TPH2: variants seen among roughly 807,000 people sequenced by gnomAD.
TPH2 encodes the protein tryptophan 5-hydroxylase 2.
Under a neutral mutation model 59.1 loss-of-function variants are expected in TPH2, and 27 were observed. That is an observed-to-expected ratio of 0.46 (90% confidence interval 0.34 to 0.63). The LOEUF is 0.63. Ranked by LOEUF, TPH2 falls within the 30% of genes least tolerant of loss-of-function variation. The pLI, the probability that TPH2 is intolerant of heterozygous loss-of-function variation, is 0.01. For synonymous variants in TPH2, 220 were observed against 210.5 expected, an observed-to-expected ratio of 1.05 and a Z score of -0.39; for missense variants, 523 against 588.3, an observed-to-expected ratio of 0.89 and a Z score of 1.15.
chr12:71,941,436 T>C (rs1264191072), intron 1 of TPH2, 148 bp from the exon 2 acceptor site: 1 of 935,236 alleles, frequency 1.1e-6, no homozygotes, highest in Non-Finnish European at 1.6e-6. Context: ...TGACTGAAAG[T>C]TATGAGTGAC....
chr12:72,018,137 A>G (rs1302771290), intron 8 of TPH2, among the ~76,000 whole-genome samples: 1 of 152,222 alleles, frequency 6.6e-6, no homozygotes, highest in Non-Finnish European at 1.5e-5. Flanking sequence ...AACAGCATTT[A>G]GGGACCTTCC....
At chr12:71,987,031 C>T (rs1215539109) in intron 7 of TPH2, among the ~76,000 whole-genome samples, 2 of 152,172 alleles carry the variant, frequency 1.3e-5, no homozygotes, top group Non-Finnish European at 2.9e-5. Context: ...AGGGAGCAGA[C>T]ATTTCCCACA....
chr12:72,028,582 A>G (rs374344415), intron 9 of TPH2, among the ~76,000 whole-genome samples: 8 of 152,154 alleles, frequency 5.3e-5, no homozygotes, highest in African/African-American at 1.9e-4. Flanking sequence ...GGCCATTTAT[A>G]TGGGTGACAT....
At chr12:71,958,225 G>A (rs1871567751) in intron 5 of TPH2, among the ~76,000 whole-genome samples, 1 of 152,082 alleles carries the variant, frequency 6.6e-6, no homozygotes, top group African/African-American at 2.4e-5. Flanking sequence ...ATAGTACTAG[G>A]GTCATTTCCT....
intron 5 of TPH2, among the ~76,000 whole-genome samples, chr12:71,954,843 TC>T (rs1320085724): frequency 3.2e-4 from 47 of 146,910 alleles, no homozygotes; most frequent in South Asian, 1.1e-3. Flanking sequence ...ATTTTTTTTT[TC>T]GTGGGGATGG....
chr12:71,994,996 A>G (rs979914015), intron 8 of TPH2, among the ~76,000 whole-genome samples: 3 of 152,142 alleles, frequency 2.0e-5, no homozygotes, highest in African/African-American at 7.2e-5. Flanking sequence ...TCTCACAGAA[A>G]TATTAGTAAT....
chr12:71,986,558 G>T (rs1045511354), intron 7 of TPH2, among the ~76,000 whole-genome samples: 1 of 151,602 alleles, frequency 6.6e-6, no homozygotes, highest in South Asian at 2.1e-4. Context: ...GTCTGCTGGA[G>T]CCCTGTTTTT....
chr12:71,952,868 C>A lies in TPH2; in HGVS notation c.608+3213C>A, dbSNP rs74104736. On this transcript the variant is annotated intron_variant, in intron 5 of 10. Transcript: ENST00000333850. Reference sequence around the variant, plus strand: ...ACCTCACACATCGCCCAACACATGACCAATGATTATAAATGTCACTTATAT... The same window carrying A: ...ACCTCACACATCGCCCAACACATGAACAATGATTATAAATGTCACTTATAT... 3.3e-5 allele frequency among the ~76,000 whole-genome samples: 5 copies of A among 152,270 alleles called. No individual in the cohort carries two copies. In the East Asian group the frequency reaches 5.8e-4, roughly 18 times the overall value.
At chr12:72,027,965 T>G (rs1873614241) in intron 9 of TPH2, among the ~76,000 whole-genome samples, 1 of 152,182 alleles carries the variant, frequency 6.6e-6, no homozygotes, top group Non-Finnish European at 1.5e-5. Flanking sequence ...TGGGGTAGTT[T>G]CACTCATTTG....
At chr12:71,948,247 C>A (rs1351960983) in intron 4 of TPH2, among the ~76,000 whole-genome samples, 1 of 151,904 alleles carries the variant, frequency 6.6e-6, no homozygotes, top group Non-Finnish European at 1.5e-5. Flanking sequence ...TTTATATAGA[C>A]ATTTTAGGAC....
chr12:71,962,488 G>GA, intron 5 of TPH2: 3 of 985,038 alleles, frequency 3.0e-6, no homozygotes, highest in Non-Finnish European at 3.6e-6. Context: ...GAGAAAATTA[G>GA]AAAAAAGAAA....
chr12:72,001,147 T>C (rs367989591), intron 8 of TPH2, among the ~76,000 whole-genome samples: 11 of 152,292 alleles, frequency 7.2e-5, no homozygotes, highest in African/African-American at 1.4e-4. Flanking sequence ...TCTGGCCCAG[T>C]TGGAATTTTT....
chr12:71,946,027 C>T (rs1443444958), intron 4 of TPH2, among the ~76,000 whole-genome samples: 1 of 152,100 alleles, frequency 6.6e-6, no homozygotes, highest in Admixed American at 6.6e-5. Flanking sequence ...AGAATTAGCA[C>T]GGGAACCTGA....
chr12:71,980,351 C>A (rs934906327), intron 7 of TPH2, among the ~76,000 whole-genome samples: 2 of 152,106 alleles, frequency 1.3e-5, no homozygotes, highest in Admixed American at 1.3e-4. Flanking sequence ...ATGGTCTTCG[C>A]TGGGGAGCAG....
At chr12:72,002,696 T>A (rs1013156542) in intron 8 of TPH2, among the ~76,000 whole-genome samples, 1 of 152,228 alleles carries the variant, frequency 6.6e-6, no homozygotes, top group Admixed American at 6.5e-5. Context: ...AAATCTAGAA[T>A]GTTTTTTGAA....
intron 5 of TPH2, among the ~76,000 whole-genome samples, chr12:71,956,434 C>T: frequency 6.9e-6 from 1 of 144,704 alleles, no homozygotes; most frequent in African/African-American, 2.6e-5. Context: ...CTCCCTCCCT[C>T]CCTTCCTCCC....
At chr12:71,967,994 C>T (rs546021155) in intron 5 of TPH2, among the ~76,000 whole-genome samples, 2 of 152,252 alleles carry the variant, frequency 1.3e-5, no homozygotes, top group South Asian at 4.1e-4. Context: ...TTCTGAGACA[C>T]TTTTCCTTCC....
chr12:71,976,081 A>C (rs888068872), intron 6 of TPH2, among the ~76,000 whole-genome samples: 4 of 152,198 alleles, frequency 2.6e-5, no homozygotes, highest in African/African-American at 9.6e-5. Context: ...TCAGGGCTTG[A>C]GTCCCCACTC....
At chr12:71,957,217 G>A (rs1298003111) in intron 5 of TPH2, among the ~76,000 whole-genome samples, 5 of 151,896 alleles carry the variant, frequency 3.3e-5, no homozygotes, top group African/African-American at 1.2e-4. Context: ...ACTGGCACAA[G>A]GAGATATTAA....
Sources: gnomAD v4.1 joint callset for allele counts (sites outside exome capture counted in the v4.1 genomes callset) on GRCh38, gnomAD v4.1.1 for gene constraint, MANE v1.5 for transcripts, NCBI Gene and HGNC (gene_info 2026-07-23, HGNC 2026-07-21) for gene names.